Variants in PSMD1 observed in about 807,000 individuals in gnomAD.
PSMD1 encodes the protein proteasome 26S subunit, non-ATPase 1, also known as 26S proteasome non-ATPase regulatory subunit 1.
PSMD1 carries 18 observed loss-of-function variants against 119.0 expected under a neutral mutation model. The ratio of observed to expected loss-of-function variants is 0.15; its 90% confidence interval spans 0.10 to 0.22. PSMD1 has a LOEUF of 0.22. Ranked by LOEUF, PSMD1 falls within the 10% of genes least tolerant of loss-of-function variation. The probability of loss-of-function intolerance (pLI) is 1.00; values close to 1 mark genes in which losing one functional copy is unlikely to be tolerated. For missense variants in PSMD1, 702 were observed against 1,158.5 expected (o/e 0.61, Z 5.72); for synonymous variants, 374 against 396.6 (o/e 0.94, Z 0.68).
rs562243252 is a variant in PSMD1, at chr2:231,152,744, T to C, written c.2116-820T>C. Among the ~76,000 whole-genome samples, 14 of 152,348 alleles carry C rather than the reference T, an allele frequency of 9.2e-5. No individual in the cohort carries two copies. The South Asian group carries it at 2.7e-3, about 29-fold the overall frequency. ...TTGGGGAGCTCCATGATTATGTGCT[T>C]CTTGAACAAGCCGACTTCTTCCTGG... On this transcript the variant is annotated intron_variant, in intron 18 of 24. Transcript: ENST00000308696.
intron 18 of PSMD1, among the ~76,000 whole-genome samples, chr2:231,150,514 G>C (rs1239933572): frequency 1.3e-5 from 2 of 151,966 alleles, no homozygotes; most frequent in Non-Finnish European, 2.9e-5. Context: ...TGAAAACTCA[G>C]AGGTTTGTTT....
At chr2:231,096,329 G>A (rs1412421119) in intron 16 of PSMD1, among the ~76,000 whole-genome samples, 1 of 152,036 alleles carries the variant, frequency 6.6e-6, no homozygotes, top group African/African-American at 2.4e-5. Flanking sequence ...ATTTTTTTCT[G>A]TTAATGGCGG....
chr2:231,146,723 A>G (rs1014080015), intron 18 of PSMD1, among the ~76,000 whole-genome samples: 6 of 152,206 alleles, frequency 3.9e-5, no homozygotes, highest in Non-Finnish European at 4.4e-5. Context: ...TAGGCAGTCC[A>G]TGCCTTTTTT....
intron 16 of PSMD1, among the ~76,000 whole-genome samples, chr2:231,110,835 C>T (rs908982975): frequency 2.6e-5 from 4 of 152,202 alleles, no homozygotes; most frequent in Non-Finnish European, 5.9e-5. Context: ...TGTTCTACTG[C>T]AGCAGAATGG....
At chr2:231,078,071 C>T (rs189450920) in intron 9 of PSMD1, among the ~76,000 whole-genome samples, 1 of 152,326 alleles carries the variant, frequency 6.6e-6, no homozygotes, top group East Asian at 1.9e-4. Context: ...AGTTCAAGAC[C>T]AGCTTGGCCA....
intron 16 of PSMD1, among the ~76,000 whole-genome samples, chr2:231,125,977 G>A (rs1265164938): frequency 6.6e-6 from 1 of 152,092 alleles, no homozygotes; most frequent in African/African-American, 2.4e-5. Flanking sequence ...ATTTTATTCA[G>A]TATTTGCTGC....
At chr2:231,075,603 A>T (rs969529054) in intron 8 of PSMD1, 32 bp downstream of exon 8, 1 of 1,595,400 alleles carries the variant, frequency 6.3e-7, no homozygotes, top group Non-Finnish European at 8.6e-7. Context: ...CCTTTGAGAC[A>T]GGGTCCTGAT....
chr2:231,075,878 A>G (rs60563689), intron 8 of PSMD1, among the ~76,000 whole-genome samples: 75,118 of 152,102 alleles, frequency 0.49, 21,993 homozygotes, highest in African/African-American at 0.81. Context: ...CCACCGAGCC[A>G]AGCCACCATG....
At chr2:231,155,734 G>T (rs538819902) in intron 19 of PSMD1, among the ~76,000 whole-genome samples, 8 of 151,492 alleles carry the variant, frequency 5.3e-5, no homozygotes, top group Admixed American at 5.2e-4. Context: ...TTGTTTGGTT[G>T]GTTTTTGTTT....
chr2:231,115,638 C>T (rs892967712), intron 16 of PSMD1, among the ~76,000 whole-genome samples: 2 of 151,978 alleles, frequency 1.3e-5, no homozygotes, highest in Non-Finnish European at 2.9e-5. Context: ...ATTTATTGAG[C>T]TGGAAGGAAC....
chr2:231,085,106 C>G lies in PSMD1; in HGVS notation c.1810C>G (p.His604Asp). 6.2e-7 allele frequency: 1 copy of G among 1,613,074 alleles called. No individual in the cohort carries two copies. Among genetic ancestry groups the G allele is most frequent in the East Asian group, 2.2e-5 (1 of 44,874 alleles). ...CAACAAAGCAATTCGACGCCTGCTA[C>G]ATGTTGCTGTAAGTACTCTGACCTT... is the stretch of plus-strand genomic sequence containing the variant. ...GNNKAIRRLL[H>D]VAVSDVNDDV... The change falls in exon 15 of 25, where the codon CAT (histidine) becomes GAT (aspartate). Residue 604 changes from histidine to aspartate, a missense_variant. Physicochemically the swap from His to Asp is moderately conservative, Grantham distance 81 (BLOSUM62 -1). Around this residue, in one of 9 missense-constraint regions of PSMD1, gnomAD observed 272 missense variants for 511.6 expected, o/e 0.53. Coordinates refer to ENST00000308696, the MANE Select transcript of PSMD1 (RefSeq NM_002807.4).
At chr2:231,158,460 T>C (rs2125264385) in intron 19 of PSMD1, among the ~76,000 whole-genome samples, 1 of 152,334 alleles carries the variant, frequency 6.6e-6, no homozygotes, top group South Asian at 2.1e-4. Flanking sequence ...TGATTGAAGT[T>C]TGTTAAACTG....
At chr2:231,127,863 A>G (rs1248797004) in intron 16 of PSMD1, among the ~76,000 whole-genome samples, 1 of 152,206 alleles carries the variant, frequency 6.6e-6, no homozygotes, top group South Asian at 2.1e-4. Context: ...TGTGTAGAAT[A>G]TTTCCTTTCC....
chr2:231,108,598 A>G, intron 16 of PSMD1: 1 of 1,613,982 alleles, frequency 6.2e-7, no homozygotes, highest in Non-Finnish European at 8.5e-7. Flanking sequence ...TGATTGATGA[A>G]GACTGAATGG....
At position 231,103,686 on chromosome 2, in the gene PSMD1, A is replaced by G. The variant is rs570435724; in HGVS notation, c.1883+16505A>G. ...ATAATTACATACACAAATTTGTTCTATTTCTAGGAGGTGATTCATTTAGCT... is the reference window on the plus strand; with the variant it reads ...ATAATTACATACACAAATTTGTTCTGTTTCTAGGAGGTGATTCATTTAGCT... On this transcript the variant is annotated intron_variant, in intron 16 of 24. Coordinates refer to ENST00000308696, the MANE Select transcript of PSMD1 (RefSeq NM_002807.4). 1.6e-4 allele frequency among the ~76,000 whole-genome samples: 24 copies of G among 151,972 alleles called. No individual in the cohort carries two copies. In the South Asian group the frequency reaches 1.9e-3, roughly 12 times the overall value.
intron 1 of PSMD1, chr2:231,060,337 C>T (rs1053723107): frequency 6.6e-6 from 1 of 152,148 alleles, no homozygotes; most frequent in African/African-American, 2.4e-5. Flanking sequence ...TTTGGCAAAC[C>T]TATACTTGTC....
intron 16 of PSMD1, among the ~76,000 whole-genome samples, chr2:231,097,771 G>C (rs187509120): frequency 6.6e-6 from 1 of 152,136 alleles, no homozygotes; most frequent in Admixed American, 6.5e-5. Context: ...CCCATAGGGG[G>C]CTTCTCTTGC....
At chr2:231,086,472 C>T (rs1335698103) in intron 15 of PSMD1, among the ~76,000 whole-genome samples, 2 of 152,102 alleles carry the variant, frequency 1.3e-5, no homozygotes, top group African/African-American at 4.8e-5. Flanking sequence ...GCATGTCCAA[C>T]GTGGTGAAAC....
intron 16 of PSMD1, among the ~76,000 whole-genome samples, chr2:231,128,363 G>A (rs1178860034): frequency 6.6e-6 from 1 of 152,222 alleles, no homozygotes; most frequent in Non-Finnish European, 1.5e-5. Flanking sequence ...AGGACCTACA[G>A]TGGAGTTCAA....
Sources: gnomAD v4.1 joint callset for allele counts (sites outside exome capture counted in the v4.1 genomes callset) on GRCh38, gnomAD v4.1.1 for gene constraint, gnomAD v4.1.1 regional missense constraint, MANE v1.5 for transcripts, NCBI Gene and HGNC (gene_info 2026-07-23, HGNC 2026-07-21) for gene names.